Variants in TANGO6 observed in about 807,000 individuals in gnomAD.
TANGO6 encodes the protein transport and golgi organization 6 homolog.
In TANGO6, 90 loss-of-function variants were observed where a neutral mutation model predicts 114.2. The observed-to-expected ratio is 0.79, with a 90% CI of 0.66 to 0.94. The LOEUF (loss-of-function observed/expected upper bound fraction) is 0.94. Among genes scored for constraint, TANGO6 ranks in the 40% least tolerant of loss-of-function variants. TANGO6 has a pLI of 0.00. For synonymous variants in TANGO6, 477 were observed against 509.8 expected (o/e 0.94, Z 0.87); for missense variants, 1,274 against 1,315.3 (o/e 0.97, Z 0.49).
At chr16:69,041,683 C>G (rs1050626844) in intron 17 of TANGO6, among the ~76,000 whole-genome samples, 1 of 152,144 alleles carries the variant, frequency 6.6e-6, no homozygotes, top group South Asian at 2.1e-4. Context: ...GCTTTACCCT[C>G]GGCTGCATTT....
intron 16 of TANGO6, among the ~76,000 whole-genome samples, chr16:69,032,836 A>G (rs866518414): frequency 8.7e-5 from 13 of 149,960 alleles, no homozygotes; most frequent in Middle Eastern, 7.1e-3. Flanking sequence ...AGATCACACC[A>G]CTGTACTCCA....
intron 16 of TANGO6, among the ~76,000 whole-genome samples, chr16:69,029,654 G>T (rs1210748393): frequency 1.3e-5 from 2 of 152,058 alleles, no homozygotes; most frequent in Non-Finnish European, 2.9e-5. Context: ...TAGGCGGTGG[G>T]GCCGTTGCAG....
At chr16:68,887,839 A>G (rs1433891426) in intron 7 of TANGO6, among the ~76,000 whole-genome samples, 1 of 152,148 alleles carries the variant, frequency 6.6e-6, no homozygotes, top group African/African-American at 2.4e-5. Flanking sequence ...AGATCATGCC[A>G]CTGCACTCCA....
chr16:69,055,078 G>A (rs1182729290), intron 17 of TANGO6, among the ~76,000 whole-genome samples: 1 of 151,196 alleles, frequency 6.6e-6, no homozygotes, highest in Non-Finnish European at 1.5e-5. Context: ...GAGCAGTGAT[G>A]TATGCATATG....
intron 15 of TANGO6, among the ~76,000 whole-genome samples, chr16:68,980,433 ATATT>A (rs1238356282): frequency 4.0e-3 from 325 of 80,606 alleles, no homozygotes; most frequent in African/African-American, 0.016. Flanking sequence ...ATATATATAT[ATATT>A]TTTTTTTTTT....
At chr16:69,049,394 AG>A (rs1387948001) in intron 17 of TANGO6, among the ~76,000 whole-genome samples, 1 of 150,708 alleles carries the variant, frequency 6.6e-6, no homozygotes, top group African/African-American at 2.4e-5. Context: ...CATGTGGTTA[AG>A]GCTCATCCAT....
intron 17 of TANGO6, among the ~76,000 whole-genome samples, chr16:69,060,284 C>G (rs1290593819): frequency 6.6e-6 from 1 of 152,140 alleles, no homozygotes; most frequent in Non-Finnish European, 1.5e-5. Flanking sequence ...TCCCAGAGTT[C>G]TAGGACTACA....
At chr16:69,019,538 T>G (rs1162993474) in intron 15 of TANGO6, among the ~76,000 whole-genome samples, 1 of 152,180 alleles carries the variant, frequency 6.6e-6, no homozygotes, top group Non-Finnish European at 1.5e-5. Context: ...AAAACAAACT[T>G]CTTCGTCCTC....
chr16:68,927,461 A>C, intron 12 of TANGO6, 107 bp from the exon 13 acceptor site: 3 of 1,244,292 alleles, frequency 2.4e-6, no homozygotes, highest in Non-Finnish European at 3.4e-6. Flanking sequence ...ACCATGAGCA[A>C]GATTTGATCC....
chr16:69,020,891 T>A (rs2152227451), intron 15 of TANGO6, among the ~76,000 whole-genome samples: 1 of 103,160 alleles, frequency 9.7e-6, no homozygotes, highest in Middle Eastern at 4.6e-3. Context: ...ACCCCCCCTT[T>A]ATATATGTAT....
At chr16:68,876,876 A>G (rs1208854703) in intron 5 of TANGO6, among the ~76,000 whole-genome samples, 2 of 152,160 alleles carry the variant, frequency 1.3e-5, no homozygotes, top group African/African-American at 4.8e-5. Flanking sequence ...ATTCATTTTC[A>G]TGGGTACATG....
intron 9 of TANGO6, among the ~76,000 whole-genome samples, chr16:68,905,319 C>T (rs1005111618): frequency 3.3e-5 from 5 of 151,052 alleles, no homozygotes; most frequent in African/African-American, 1.2e-4. Flanking sequence ...GGGTGGATCA[C>T]GAGGTCAGGA....
intron 1 of TANGO6, chr16:68,846,893 CT>C (rs113735205): frequency 0.11 from 15,171 of 142,896 alleles, 781 homozygotes; most frequent in Non-Finnish European, 0.13. Flanking sequence ...GAGGTAATAC[CT>C]TTTTTTTTTT....
chr16:68,894,458 G>T (rs1962676301), intron 7 of TANGO6, among the ~76,000 whole-genome samples: 1 of 151,980 alleles, frequency 6.6e-6, no homozygotes, highest in South Asian at 2.1e-4. Context: ...TAATAGAAGG[G>T]AGCTGTATAA....
chr16:69,058,478 C>T (rs1960066926), intron 17 of TANGO6, among the ~76,000 whole-genome samples: 1 of 152,214 alleles, frequency 6.6e-6, no homozygotes, highest in African/African-American at 2.4e-5. Context: ...AGAAGGTTTA[C>T]ATTCGGATGC....
Position 69,013,006 on chromosome 16 carries a change from T to C in TANGO6, c.2843-9822T>C, listed in dbSNP as rs1959226775. ...TCAGAAACTAGGAAATAATAGTGGG[T>C]ATCCCAGAACCCTAGATTTTAATTC... On this transcript the variant is annotated intron_variant, in intron 15 of 17. Transcript: ENST00000261778. 3.3e-5 allele frequency among the ~76,000 whole-genome samples: 5 copies of C among 152,188 alleles called. No individual in the cohort carries two copies. The South Asian group carries it at 8.3e-4, about 25-fold the overall frequency.
intron 15 of TANGO6, among the ~76,000 whole-genome samples, chr16:69,000,466 C>G (rs1964030384): frequency 6.6e-6 from 1 of 152,126 alleles, no homozygotes; most frequent in Non-Finnish European, 1.5e-5. Context: ...AACTTTTACT[C>G]ATTGATAAAG....
chr16:69,020,309 A>C (rs941307786), intron 15 of TANGO6, among the ~76,000 whole-genome samples: 2 of 152,198 alleles, frequency 1.3e-5, no homozygotes, highest in Non-Finnish European at 2.9e-5. Flanking sequence ...TATGCAGCTC[A>C]TGACTGTATA....
chr16:69,067,937 CAA>C (rs1217551130), intron 17 of TANGO6, among the ~76,000 whole-genome samples: 9,499 of 66,354 alleles, frequency 0.14, 393 homozygotes, highest in South Asian at 0.26. Context: ...AACTCTGTCT[CAA>C]AAAAAAAAAA....
Sources: gnomAD v4.1 joint callset for allele counts (sites outside exome capture counted in the v4.1 genomes callset) on GRCh38, gnomAD v4.1.1 for gene constraint, MANE v1.5 for transcripts, NCBI Gene and HGNC (gene_info 2026-07-23, HGNC 2026-07-21) for gene names.